Variants in IGF2BP1 observed in about 807,000 individuals in gnomAD.
The protein encoded by IGF2BP1 is insulin like growth factor 2 mRNA binding protein 1.
Under a neutral mutation model 74.9 loss-of-function variants are expected in IGF2BP1, and 11 were observed. The observed-to-expected ratio is 0.15, with a 90% CI of 0.09 to 0.24. The LOEUF is 0.24. Ranked by LOEUF, IGF2BP1 falls within the 10% of genes least tolerant of loss-of-function variation. The probability of loss-of-function intolerance (pLI) is 1.00; values close to 1 mark genes in which losing one functional copy is unlikely to be tolerated. For synonymous variants in IGF2BP1, 287 were observed against 281.8 expected (o/e 1.02, Z -0.18); for missense variants, 440 against 757.4 (o/e 0.58, Z 4.92).
chr17:49,036,381 A>G (rs1281228792), intron 5 of IGF2BP1: 2 of 152,134 alleles, frequency 1.3e-5, no homozygotes, highest in Non-Finnish European at 2.9e-5. Flanking sequence ...ATATACTAAA[A>G]TTGGAACGGT....
At chr17:48,999,236 G>A (rs2041453913) in intron 2 of IGF2BP1, 67 bp downstream of exon 2, 6 of 953,672 alleles carry the variant, frequency 6.3e-6, no homozygotes, top group Non-Finnish European at 1.0e-5. Context: ...CTGTGTTCAG[G>A]GGTCCATAGC....
chr17:49,028,172 A>C (rs1169284010), intron 4 of IGF2BP1, among the ~76,000 whole-genome samples: 1 of 152,190 alleles, frequency 6.6e-6, no homozygotes. Flanking sequence ...TCAAAAACAA[A>C]ACAAAATAAG....
rs1352482089 is a variant in IGF2BP1 at position 49,043,623 on chromosome 17, T to G, written c.1200+73T>G. 1.9e-5 allele frequency: 29 copies of G among 1,551,130 alleles called. No homozygotes were observed. The South Asian group carries it at 3.2e-4, about 17-fold the overall frequency. ...CTCCCTTAAGGGGGACTCAGCATGC[T>G]CTGGGAGTTGGATGCTTGGCAAGTT... On this transcript the variant is annotated intron_variant, in intron 10 of 14. Transcript: ENST00000290341.
Position 49,052,282 on chromosome 17 carries a change from G to A in IGF2BP1, c.*2838G>A, listed in dbSNP as rs2042176479. 2 of 152,018 alleles carry A rather than the reference G, an allele frequency of 1.3e-5. No individual in the cohort carries two copies. The highest frequency in any genetic ancestry group is 1.3e-4 in the Admixed American group (2 of 15,252). 9.4% of individuals were successfully genotyped at this position (152,018 alleles called of 1,614,324 possible). On this transcript the variant is annotated 3_prime_UTR_variant, in exon 15 of 15. Transcript: ENST00000290341. ...ACAAAGCAGATAACGTTCAGACGTC[G>A]GCCATTTAGTAATTTAAAGCGAATT...
Position 49,035,311 on chromosome 17 carries a change from C to T in IGF2BP1, c.402-2857C>T, listed in dbSNP as rs114472943. 2.6e-3 allele frequency among the ~76,000 whole-genome samples: 392 copies of T among 152,354 alleles called. 2 individuals are homozygous for T. Among genetic ancestry groups the T allele is most frequent in the African/African-American group, 8.8e-3 (365 of 41,584 alleles). On this transcript the variant is annotated intron_variant, in intron 5 of 14. Transcript: ENST00000290341. ...ACACAAATTAATTCAAAATGGATTA[C>T]AGACCTAAATGTATTAGCTGTAAGG...
In IGF2BP1 at chr17:49,032,010, G is replaced by C. The variant is rs758515933; in HGVS notation, c.401+37G>C. 67 of 1,518,688 alleles carry C rather than the reference G, an allele frequency of 4.4e-5. 1 individual carries two copies. In the South Asian group the frequency reaches 4.9e-4, roughly 11 times the overall value. The allele number at this position is 1,518,688 out of a possible 1,614,324, so 94.1% of individuals were successfully genotyped here. On this transcript the variant is annotated intron_variant, in intron 5 of 14. Transcript: ENST00000290341. Reference sequence around the variant, plus strand: ...GGGAAGTGGGGCTGGGTGCGGTGGGGGGGGGTTCTGTGAAGGGTGGTGTGA... The same window carrying C: ...GGGAAGTGGGGCTGGGTGCGGTGGGCGGGGGTTCTGTGAAGGGTGGTGTGA...
chr17:49,012,078 G>A (rs890504454), intron 2 of IGF2BP1, among the ~76,000 whole-genome samples: 4 of 151,860 alleles, frequency 2.6e-5, no homozygotes, highest in African/African-American at 9.7e-5. Context: ...GCAAATTTTT[G>A]TACTTTTAGT....
rs2042222298 is a variant in IGF2BP1 at position 49,055,778 on chromosome 17, A to C, written c.*6334A>C. The C allele has an allele frequency of 5.1e-6, 2 of 395,820 alleles. No homozygotes were observed. Among genetic ancestry groups the C allele is most frequent in the Admixed American group, 4.4e-5 (1 of 22,600 alleles). The allele number at this position is 395,820 out of a possible 1,614,324, so 24.5% of individuals were successfully genotyped here. On this transcript the variant is annotated 3_prime_UTR_variant, in exon 15 of 15. Coordinates refer to ENST00000290341, the MANE Select transcript of IGF2BP1 (RefSeq NM_006546.4). ...GAAACATCACTTACTCAGAAGAGGG[A>C]ACGATGTATTTTGATGAGTGCAAAT...
Position 49,038,196 on chromosome 17 carries a change from T to C in IGF2BP1, c.430T>C (p.Leu144=), listed in dbSNP as rs1041784536. The change falls in exon 6 of 15, where the codon TTG becomes CTG. Residue 144 remains leucine, a synonymous_variant. Transcript: ENST00000290341. The part of the protein sequence containing the change: ...QAIMKLNGHQ[L]ENHALKVSYI... The stretch of plus-strand genomic sequence containing the variant: ...CATCATGAAGCTGAATGGCCACCAG[T>C]TGGAGAACCATGCCCTGAAGGTCTC... 9 of 1,522,446 alleles carry C rather than the reference T, an allele frequency of 5.9e-6. No individual in the cohort carries two copies. The African/African-American group carries it at 1.1e-4, about 19-fold the overall frequency. 94.3% of individuals were successfully genotyped at this position (1,522,446 alleles called of 1,614,324 possible).
At position 48,997,512 on chromosome 17, in the gene IGF2BP1, C is replaced by T. The variant is rs978065850; in HGVS notation, c.-234C>T. On this transcript the variant is annotated 5_prime_UTR_variant, in exon 1 of 15. Transcript: ENST00000290341. The surrounding 1 kb of genome is among the most constrained non-coding windows in gnomAD (Gnocchi z 4.8). ...GAAGAAGCTGCGCCGTGTCGTCCGT[C>T]TCCCTGCGCGCCGCGGGCACTTCTC... The T allele has an allele frequency of 3.5e-5, 18 of 508,252 alleles. No homozygotes were observed. The highest frequency in any genetic ancestry group is 5.2e-5 in the Non-Finnish European group (15 of 287,802). 31.5% of individuals were successfully genotyped at this position (508,252 alleles called of 1,614,324 possible).
At position 49,049,462 on chromosome 17, in the gene IGF2BP1, C is replaced by G; in HGVS notation, c.*18C>G. The G allele has an allele frequency of 6.2e-7, 1 of 1,606,826 alleles. No homozygotes were observed. Among genetic ancestry groups the G allele is most frequent in the African/African-American group, 1.3e-5 (1 of 74,920 alleles). On this transcript the variant is annotated 3_prime_UTR_variant, in exon 15 of 15. Transcript: ENST00000290341. ...GGAAGTGACCAGCCCCTCCCTGTCC[C>G]TTCGAGTCCAGGACAACAACGGGCA...
In IGF2BP1 at chr17:48,998,402, G is replaced by T. The variant is rs565419052; in HGVS notation, c.175+482G>T. On this transcript the variant is annotated intron_variant, in intron 1 of 14. Transcript: ENST00000290341. Reference sequence around the variant, plus strand: ...CTGCGATCTGTCCGCTTCGCGTGGGGAATGCAGCCCTCCAGCAGGACTTGC... The same window carrying T: ...CTGCGATCTGTCCGCTTCGCGTGGGTAATGCAGCCCTCCAGCAGGACTTGC... Among the ~76,000 whole-genome samples, 7 of 152,362 alleles carry T rather than the reference G, an allele frequency of 4.6e-5. No homozygotes were observed. The South Asian group carries it at 1.4e-3, about 32-fold the overall frequency.
At position 49,052,182 on chromosome 17, in the gene IGF2BP1, A is replaced by C. The variant is rs1345379536; in HGVS notation, c.*2738A>C. On this transcript the variant is annotated 3_prime_UTR_variant, in exon 15 of 15. Transcript: ENST00000290341. ...GGATAACATCAGGCCAGTAGAATTA[A>C]GCCTCTCCACCTGTCCCAACCATAA... is the stretch of plus-strand genomic sequence containing the variant. The C allele has an allele frequency of 6.6e-6, 1 of 152,196 alleles. No homozygotes were observed. The highest frequency in any genetic ancestry group is 1.5e-5 in the Non-Finnish European group (1 of 68,054). 9.4% of individuals were successfully genotyped at this position (152,196 alleles called of 1,614,324 possible). A position where few individuals can be genotyped will look rare whatever the true frequency, so the allele number is the denominator to read the frequency against.
At chr17:48,999,528 G>A (rs1019213370) in intron 2 of IGF2BP1, among the ~76,000 whole-genome samples, 4 of 151,864 alleles carry the variant, frequency 2.6e-5, no homozygotes, top group South Asian at 2.1e-4. Flanking sequence ...GACTCATGGC[G>A]ATTTCTGCAA....
At chr17:48,998,019 G>A (rs1366157236) in intron 1 of IGF2BP1, 99 bp downstream of exon 1, 4 of 1,404,012 alleles carry the variant, frequency 2.8e-6, no homozygotes, top group East Asian at 2.4e-5. Flanking sequence ...CTCTCTTCCC[G>A]GGCCTGCGGG....
chr17:49,043,518 G>A lies in IGF2BP1; in HGVS notation c.1168G>A (p.Val390Ile), dbSNP rs146124273. The A allele has an allele frequency of 9.5e-4, 1,539 of 1,614,108 alleles. No individual in the cohort carries two copies. Among genetic ancestry groups the A allele is most frequent in the Non-Finnish European group, 1.2e-3 (1,448 of 1,179,990 alleles). ...SSAVPPPPSS[V>I]TGAAPYSSFM... Reference sequence around the variant, plus strand: ...CGCAGTCCCGCCGCCTCCCAGCAGCGTTACTGGGGCTGCTCCCTATAGCTC... The same window carrying A: ...CGCAGTCCCGCCGCCTCCCAGCAGCATTACTGGGGCTGCTCCCTATAGCTC... Residue 390 changes from valine to isoleucine, a missense_variant, in exon 10 of 15, where the codon GTT becomes ATT. Transcript: ENST00000290341.
intron 2 of IGF2BP1, among the ~76,000 whole-genome samples, chr17:49,011,511 T>C (rs1254242372): frequency 6.6e-6 from 1 of 152,178 alleles, no homozygotes; most frequent in Non-Finnish European, 1.5e-5. Context: ...CTTCAATAAG[T>C]AGGAGTGCTG....
chr17:49,037,357 AC>A, intron 5 of IGF2BP1: 1 of 506,306 alleles, frequency 2.0e-6, no homozygotes. Context: ...AAAATGGAAT[AC>A]CTGAAGGAAG....
intron 13 of IGF2BP1, 55 bp downstream of exon 13, chr17:49,046,076 G>C: frequency 1.9e-6 from 3 of 1,596,508 alleles, no homozygotes; most frequent in Non-Finnish European, 2.6e-6. Flanking sequence ...AATCTCAGCA[G>C]CTCTCTCTGG....
Sources: allele counts gnomAD v4.1 joint callset (sites outside exome capture counted in the v4.1 genomes callset), GRCh38; gene constraint gnomAD v4.1.1; non-coding constraint Gnocchi (gnomAD v3.1); transcripts MANE v1.5; gene names NCBI Gene and HGNC (gene_info 2026-07-23, HGNC 2026-07-21).